Variants in SPAG16 observed in about 807,000 individuals in gnomAD.
SPAG16 encodes sperm associated antigen 16.
SPAG16 carries 86 observed loss-of-function variants against 80.4 expected under a neutral mutation model. That is an observed-to-expected ratio of 1.07 (90% CI 0.90 to 1.28). The LOEUF (loss-of-function observed/expected upper bound fraction) is 1.28. Among genes scored for constraint, SPAG16 ranks in the 50% most tolerant of loss-of-function variants. SPAG16 has a pLI of 0.00. For synonymous variants in SPAG16, 294 were observed against 265.9 expected, an observed-to-expected ratio of 1.11 and a Z score of -1.03; for missense variants, 870 against 765.3, an observed-to-expected ratio of 1.14 and a Z score of -1.61.
intron 15 of SPAG16, among the ~76,000 whole-genome samples, chr2:214,339,055 G>A (rs1697490551): frequency 6.6e-6 from 1 of 152,166 alleles, no homozygotes; most frequent in Non-Finnish European, 1.5e-5. Context: ...GCAATCAGAA[G>A]TTTTAGGGCT....
At chr2:213,707,632 C>G (rs2065815492) in intron 10 of SPAG16, among the ~76,000 whole-genome samples, 1 of 151,762 alleles carries the variant, frequency 6.6e-6, no homozygotes, top group Non-Finnish European at 1.5e-5. Context: ...GTCATTCTGC[C>G]TCATTGCCTA....
intron 10 of SPAG16, among the ~76,000 whole-genome samples, chr2:213,856,265 G>C (rs554703906): frequency 5.9e-5 from 9 of 152,342 alleles, no homozygotes; most frequent in African/African-American, 2.2e-4. Flanking sequence ...ATTGATGCAA[G>C]AGGTGGACTC....
chr2:213,379,429 T>C (rs2067052367), intron 9 of SPAG16, among the ~76,000 whole-genome samples: 1 of 152,214 alleles, frequency 6.6e-6, no homozygotes, highest in African/African-American at 2.4e-5. Flanking sequence ...TGGGGAAACA[T>C]GGTAAGACCA....
rs368788856 is a variant in SPAG16, at chr2:213,705,753, A to G, written c.1071-156732A>G. Among the ~76,000 whole-genome samples the G allele has an allele frequency of 6.6e-5, 10 of 150,736 alleles. No homozygotes were observed. In the East Asian group the frequency reaches 1.2e-3, roughly 18 times the overall value. ...AATTTATAACATCTTGGAGCTCTCA[A>G]ATAAAAAGAGGAGAGCCAATCATGG... On this transcript the variant is annotated intron_variant, in intron 10 of 15. Transcript: ENST00000331683.
chr2:213,437,649 T>A (rs916767546), intron 9 of SPAG16, among the ~76,000 whole-genome samples: 2 of 152,200 alleles, frequency 1.3e-5, no homozygotes, highest in African/African-American at 4.8e-5. Context: ...TGACCTTTAC[T>A]TTTTACCCCA....
chr2:214,041,491 T>C (rs972045255), intron 13 of SPAG16, among the ~76,000 whole-genome samples: 45 of 151,906 alleles, frequency 3.0e-4, no homozygotes, highest in Middle Eastern at 3.4e-3. Context: ...ATGTCCTATG[T>C]AGTCAGTGTG....
chr2:214,269,801 T>C (rs1353271811), intron 15 of SPAG16, among the ~76,000 whole-genome samples: 1 of 152,118 alleles, frequency 6.6e-6, no homozygotes. Flanking sequence ...GAAGAATCTA[T>C]CTTGAGCACT....
intron 5 of SPAG16, among the ~76,000 whole-genome samples, chr2:213,324,710 G>A (rs564232989): frequency 1.3e-5 from 2 of 151,990 alleles, no homozygotes; most frequent in Admixed American, 1.3e-4. Flanking sequence ...GAACATTGAG[G>A]TACAAATATT....
chr2:214,159,453 G>T (rs996413417), intron 15 of SPAG16, among the ~76,000 whole-genome samples: 15 of 151,864 alleles, frequency 9.9e-5, no homozygotes, highest in African/African-American at 3.6e-4. Flanking sequence ...TCTTTAGTCT[G>T]CCAAGCTGAT....
At chr2:214,129,330 G>A (rs979942828) in intron 14 of SPAG16, among the ~76,000 whole-genome samples, 7 of 152,226 alleles carry the variant, frequency 4.6e-5, no homozygotes, top group African/African-American at 7.2e-5. Context: ...GTATGTCAAC[G>A]TAGTCTTCTC....
intron 15 of SPAG16, among the ~76,000 whole-genome samples, chr2:214,244,556 C>A (rs1038119907): frequency 6.6e-6 from 1 of 151,932 alleles, no homozygotes; most frequent in Non-Finnish European, 1.5e-5. Flanking sequence ...CACAAAAAAT[C>A]ATACATTAAA....
intron 15 of SPAG16, among the ~76,000 whole-genome samples, chr2:214,304,030 C>G (rs533491072): frequency 6.6e-6 from 1 of 152,122 alleles, no homozygotes; most frequent in South Asian, 2.1e-4. Context: ...TTCCAGTAGG[C>G]CCCAGTGTGT....
At chr2:214,229,522 G>A (rs1395839861) in intron 15 of SPAG16, among the ~76,000 whole-genome samples, 2 of 151,670 alleles carry the variant, frequency 1.3e-5, no homozygotes, top group Non-Finnish European at 2.9e-5. Context: ...ATATATATGT[G>A]TGTGTGTATA....
At chr2:213,828,397 A>C (rs1431416852) in intron 10 of SPAG16, among the ~76,000 whole-genome samples, 4 of 152,032 alleles carry the variant, frequency 2.6e-5, no homozygotes, top group Non-Finnish European at 4.4e-5. Flanking sequence ...TTCTTTGTTA[A>C]ATGTATTTGA....
intron 15 of SPAG16, among the ~76,000 whole-genome samples, chr2:214,214,624 A>G (rs549194100): frequency 1.6e-4 from 24 of 152,192 alleles, no homozygotes; most frequent in African/African-American, 4.6e-4. Flanking sequence ...GATGTACTTG[A>G]GAGCCACATC....
chr2:213,715,149 G>A (rs2066172425), intron 10 of SPAG16, among the ~76,000 whole-genome samples: 2 of 152,090 alleles, frequency 1.3e-5, no homozygotes, highest in African/African-American at 4.8e-5. Context: ...AGACTATTAT[G>A]AGCGGACTGC....
intron 10 of SPAG16, among the ~76,000 whole-genome samples, chr2:213,595,777 T>A (rs2060866581): frequency 6.6e-6 from 1 of 152,120 alleles, no homozygotes; most frequent in Non-Finnish European, 1.5e-5. Flanking sequence ...TTTGGAAATA[T>A]TAATCATGTA....
At chr2:213,889,841 A>G (rs6736288) in intron 11 of SPAG16, among the ~76,000 whole-genome samples, 89,881 of 151,236 alleles carry the variant, frequency 0.59, 28,600 homozygotes, top group South Asian at 0.85. Context: ...GCCTCTAATC[A>G]ACTAAATATC....
rs187880911 is a variant in SPAG16, at chr2:213,384,348, C to T, written c.942+9229C>T. ...CTGCAAAATACCAAGTATGTTCTTT[C>T]AACTTGTTTGGAATCTGTTAAATGA... On this transcript the variant is annotated intron_variant, in intron 9 of 15. Coordinates refer to ENST00000331683, the MANE Select transcript of SPAG16 (RefSeq NM_024532.5). 1.2e-4 allele frequency among the ~76,000 whole-genome samples: 19 copies of T among 152,290 alleles called. No homozygotes were observed. In the East Asian group the frequency reaches 3.3e-3, roughly 26 times the overall value.
Sources: allele counts gnomAD v4.1 joint callset (sites outside exome capture counted in the v4.1 genomes callset), GRCh38; gene constraint gnomAD v4.1.1; transcripts MANE v1.5; gene names NCBI Gene and HGNC (gene_info 2026-07-23, HGNC 2026-07-21).